CPPED1: variants seen among roughly 807,000 people sequenced by gnomAD.
The protein encoded by CPPED1 is serine/threonine-protein phosphatase CPPED1.
A neutral mutation model predicts 28.0 loss-of-function variants in CPPED1; 28 were observed. That is an observed-to-expected ratio of 1.00 (90% CI 0.74 to 1.37). The LOEUF is 1.37. CPPED1 is among the 40% of genes most tolerant of loss of function. CPPED1 has a pLI of 0.00. For synonymous variants in CPPED1, 198 were observed against 180.2 expected, an observed-to-expected ratio of 1.10 and a Z score of -0.79; for missense variants, 504 against 416.5, an observed-to-expected ratio of 1.21 and a Z score of -1.83.
intron 3 of CPPED1, among the ~76,000 whole-genome samples, chr16:12,668,375 T>A (rs760021534): frequency 6.6e-6 from 1 of 152,144 alleles, no homozygotes; most frequent in Non-Finnish European, 1.5e-5. Context: ...TTAAAGCATA[T>A]ATAAGTTATT....
intron 2 of CPPED1, among the ~76,000 whole-genome samples, chr16:12,752,653 TTA>T (rs1204401950): frequency 6.8e-6 from 1 of 147,146 alleles, no homozygotes; most frequent in Non-Finnish European, 1.5e-5. Context: ...TGTTTATATA[TTA>T]TATGATATAT....
At position 12,755,568 on chromosome 16, in the gene CPPED1, C is replaced by T. The variant is rs547236342; in HGVS notation, c.289+25617G>A. On this transcript the variant is annotated intron_variant, in intron 2 of 3. Transcript: ENST00000381774. ...AACATGCTAGGATTACAGGCATGAA[C>T]TACCACACCCTGCCTCAATATGTAT... Among the ~76,000 whole-genome samples the T allele has an allele frequency of 7.1e-5, 10 of 140,270 alleles. No homozygotes were observed. The East Asian group carries it at 1.9e-3, about 27-fold the overall frequency. The allele number at this position is 140,270 out of a possible 152,430, so 92.0% of individuals were successfully genotyped here.
In CPPED1 at chr16:12,682,739, T is replaced by C. The variant is rs2079912182; in HGVS notation, c.716-17624A>G. On this transcript the variant is annotated intron_variant, in intron 3 of 3. Coordinates refer to ENST00000381774, the MANE Select transcript of CPPED1 (RefSeq NM_018340.3). This position sits in a 1 kb window ranked among gnomAD's most constrained non-coding sequence, Gnocchi z 6.1. ...ATTATACTTTCCTCTCATCCTTCTC[T>C]AAGTATCTGATCAGAAGATCTTTTT... 6.6e-6 allele frequency among the ~76,000 whole-genome samples: 1 copy of C among 152,396 alleles called. No individual in the cohort carries two copies. The highest frequency in any genetic ancestry group is 2.1e-4 in the South Asian group (1 of 4,832).
chr16:12,721,212 A>G (rs1179532724), intron 2 of CPPED1, among the ~76,000 whole-genome samples: 1 of 152,140 alleles, frequency 6.6e-6, no homozygotes, highest in African/African-American at 2.4e-5. Context: ...TCTCAATCAG[A>G]AAGACAGGCA....
chr16:12,782,724 G>A (rs1481983604), intron 1 of CPPED1, among the ~76,000 whole-genome samples: 1 of 151,900 alleles, frequency 6.6e-6, no homozygotes, highest in Non-Finnish European at 1.5e-5. Flanking sequence ...GCCAGGCGTG[G>A]TGGCTAATTA....
At chr16:12,705,271 G>T (rs1567281476) in intron 2 of CPPED1, among the ~76,000 whole-genome samples, 3 of 152,206 alleles carry the variant, frequency 2.0e-5, no homozygotes, top group African/African-American at 7.2e-5. Flanking sequence ...GAAATTCCAT[G>T]ACTACATGGC....
At chr16:12,781,509 T>A in intron 1 of CPPED1, 106 bp from the exon 2 acceptor site, 1 of 931,524 alleles carries the variant, frequency 1.1e-6, no homozygotes, top group Non-Finnish European at 1.6e-6. Flanking sequence ...TTAAATTAAG[T>A]AGGTCATTTT....
At chr16:12,714,796 C>G (rs1248980349) in intron 2 of CPPED1, among the ~76,000 whole-genome samples, 1 of 152,136 alleles carries the variant, frequency 6.6e-6, no homozygotes, top group African/African-American at 2.4e-5. Context: ...ATTCAAGTTT[C>G]ATAAAGTCCA....
rs983100914 is a variant in CPPED1 at position 12,803,799 on chromosome 16, A to T, written c.-23T>A. On this transcript the variant is annotated 5_prime_UTR_variant, in exon 1 of 4. Coordinates refer to ENST00000381774, the MANE Select transcript of CPPED1 (RefSeq NM_018340.3). Reference sequence around the variant, plus strand: ...CATGGCGAGCGAGTTTCTGGCCTTCACTTAGAACACTGCGTGGGTGGAAGC... The same window carrying T: ...CATGGCGAGCGAGTTTCTGGCCTTCTCTTAGAACACTGCGTGGGTGGAAGC... 1 of 1,591,960 alleles carries T rather than the reference A, an allele frequency of 6.3e-7. No homozygotes were observed. Among genetic ancestry groups the T allele is most frequent in the Non-Finnish European group, 8.5e-7 (1 of 1,170,498 alleles).
rs776819329 is a variant in CPPED1, at chr16:12,803,592, C to T, written c.70+115G>A. The T allele has an allele frequency of 7.3e-5, 67 of 916,070 alleles. No individual in the cohort carries two copies. The Admixed American group carries it at 1.4e-3, about 19-fold the overall frequency. 56.7% of individuals were successfully genotyped at this position (916,070 alleles called of 1,614,324 possible). A position where few individuals can be genotyped will look rare whatever the true frequency, so the allele number is the denominator to read the frequency against. On this transcript the variant is annotated intron_variant, in intron 1 of 3. Transcript: ENST00000381774. Reference sequence around the variant, plus strand: ...TGCAGCTATGGCGGCTCCCAGGCCCCGGTGCAGCCCCGGATGGTGTCCGAC... The same window carrying T: ...TGCAGCTATGGCGGCTCCCAGGCCCTGGTGCAGCCCCGGATGGTGTCCGAC...
intron 1 of CPPED1, among the ~76,000 whole-genome samples, chr16:12,791,222 G>A (rs8063663): frequency 1.3e-5 from 2 of 151,478 alleles, no homozygotes; most frequent in African/African-American, 2.4e-5. Flanking sequence ...CCTTGCCCCC[G>A]ACCTCCCAAC....
At chr16:12,799,960 T>C (rs1220354859) in intron 1 of CPPED1, among the ~76,000 whole-genome samples, 6 of 152,148 alleles carry the variant, frequency 3.9e-5, no homozygotes, top group Non-Finnish European at 2.9e-5. Context: ...TATAGATTTA[T>C]CATCAAGTCT....
In CPPED1 at chr16:12,670,798, C is replaced by T. The variant is rs1238766684; in HGVS notation, c.716-5683G>A. 5.9e-5 allele frequency among the ~76,000 whole-genome samples: 9 copies of T among 152,134 alleles called. No individual in the cohort carries two copies. The highest frequency in any genetic ancestry group is 2.2e-4 in the African/African-American group (9 of 41,424). On this transcript the variant is annotated intron_variant, in intron 3 of 3. Transcript: ENST00000381774. This position sits in a 1 kb window ranked among gnomAD's most constrained non-coding sequence, Gnocchi z 4.2. ...CAGCCAAGAGGAACCGAAGCACATA[C>T]GATGACTAAATGTAAATGATCCATG...
At chr16:12,801,537 G>A (rs999824450) in intron 1 of CPPED1, among the ~76,000 whole-genome samples, 17 of 151,968 alleles carry the variant, frequency 1.1e-4, no homozygotes, top group African/African-American at 4.1e-4. Context: ...ACTTTGGAAG[G>A]CAGTTTGACC....
chr16:12,676,685 C>G (rs1022594961), intron 3 of CPPED1, among the ~76,000 whole-genome samples: 1 of 152,154 alleles, frequency 6.6e-6, no homozygotes, highest in East Asian at 1.9e-4. Flanking sequence ...GACCTAAACA[C>G]ATCCTTAATT....
chr16:12,704,596 C>G (rs1329663852), intron 3 of CPPED1, 28 bp downstream of exon 3: 1 of 1,582,728 alleles, frequency 6.3e-7, no homozygotes, highest in Non-Finnish European at 8.6e-7. Flanking sequence ...GTCCTTCCTC[C>G]CTGAAACCCG....
intron 1 of CPPED1, among the ~76,000 whole-genome samples, chr16:12,791,832 C>A (rs1235332326): frequency 6.6e-6 from 1 of 152,202 alleles, no homozygotes; most frequent in Admixed American, 6.6e-5. Flanking sequence ...ATTATTGAGT[C>A]TGGCACGTGG....
chr16:12,674,559 G>A lies in CPPED1; in HGVS notation c.716-9444C>T, dbSNP rs531477931. Among the ~76,000 whole-genome samples the A allele has an allele frequency of 2.3e-4, 35 of 152,258 alleles. 1 individual carries two copies. The South Asian group carries it at 7.3e-3, about 32-fold the overall frequency. ...GCTCCAGGTGGAGTGAAAGGAGGCG[G>A]GGCCTGGAAGGGGGTGGCACAGTGG... On this transcript the variant is annotated intron_variant, in intron 3 of 3. Transcript: ENST00000381774.
At chr16:12,770,410 G>A (rs977440483) in intron 2 of CPPED1, among the ~76,000 whole-genome samples, 2 of 152,170 alleles carry the variant, frequency 1.3e-5, no homozygotes, top group East Asian at 1.9e-4. Context: ...TCCACAGAAC[G>A]CAATGCAGTT....
Sources: allele counts gnomAD v4.1 joint callset (sites outside exome capture counted in the v4.1 genomes callset), GRCh38; gene constraint gnomAD v4.1.1; non-coding constraint Gnocchi (gnomAD v3.1); transcripts MANE v1.5; gene names NCBI Gene and HGNC (gene_info 2026-07-23, HGNC 2026-07-21).